The following BEND2 variants were observed in gnomAD, a reference collection of about 807,000 sequenced individuals.
BEND2 encodes the protein BEN domain-containing protein 2.
BEND2 carries 19 observed loss-of-function variants against 43.8 expected under a neutral mutation model. The observed-to-expected ratio is 0.43, with a 90% CI of 0.30 to 0.64. The LOEUF is 0.64. Ranked by LOEUF, BEND2 falls within the 30% of genes least tolerant of loss-of-function variation. The probability of loss-of-function intolerance (pLI) is 0.11; values close to 1 mark genes in which losing one functional copy is unlikely to be tolerated. For missense variants in BEND2, 544 were observed against 574.0 expected (o/e 0.95, Z 0.53); for synonymous variants, 226 against 210.1 (o/e 1.08, Z -0.66).
chrX:18,183,500 A>C (rs1924465287), intron 8 of BEND2, among the ~76,000 whole-genome samples: 1 of 112,537 alleles, frequency 8.9e-6, no homozygotes, highest in South Asian at 3.6e-4. Context: ...AACTATCTAC[A>C]CAAAAAAGCA....
chrX:18,171,194 T>C lies in BEND2; in HGVS notation c.1992A>G (p.Gly664=). The change falls in exon 13 of 14, where the codon GGA becomes GGG. Residue 664 remains glycine (G), a synonymous_variant. Coordinates refer to ENST00000380033, the MANE Select transcript of BEND2 (RefSeq NM_153346.5). Reference sequence around the variant, plus strand: ...GCATCCGTATATTTCTCCATGGTCTTCCAAAATAGCCTAGAAGCAAAAAAG... The same window carrying C: ...GCATCCGTATATTTCTCCATGGTCTCCCAAAATAGCCTAGAAGCAAAAAAG... ...EEPGEAWSYF[G]RPWRNIRMPC... The C allele has an allele frequency of 1.7e-6, 2 of 1,203,850 alleles. No individual in the cohort carries two copies. The highest frequency in any genetic ancestry group is 2.3e-6 in the Non-Finnish European group (2 of 888,718).
At chrX:18,216,838 T>G in intron 1 of BEND2, 105 bp from the exon 2 acceptor site, 1 of 621,544 alleles carries the variant, frequency 1.6e-6, no homozygotes, top group Admixed American at 3.7e-5. Context: ...AAACATATTT[T>G]AGCTGAAAAT....
chrX:18,190,907 G>A, intron 8 of BEND2, 94 bp downstream of exon 8: 1 of 742,869 alleles, frequency 1.3e-6, no homozygotes, highest in East Asian at 3.4e-5. Context: ...TAGTACTATT[G>A]GGGGAAACTG....
chrX:18,166,661 C>CGGATT (rs1569113750), intron 13 of BEND2, among the ~76,000 whole-genome samples: 1 of 110,921 alleles, frequency 9.0e-6, no homozygotes, highest in Admixed American at 9.6e-5. Flanking sequence ...CCAGGACGAA[C>CGGATT]GGATTGCTTG....
chrX:18,195,932 A>AC (rs1569122755), intron 6 of BEND2, among the ~76,000 whole-genome samples: 31 of 107,763 alleles, frequency 2.9e-4, no homozygotes, highest in African/African-American at 9.2e-4. Flanking sequence ...GAGGGAGGGA[A>AC]GGAAATGTTA....
intron 1 of BEND2, among the ~76,000 whole-genome samples, chrX:18,219,245 C>G (rs920068792): frequency 8.9e-6 from 1 of 112,451 alleles, no homozygotes; most frequent in Non-Finnish European, 1.9e-5. Flanking sequence ...CTGGAAAAAT[C>G]GCTTTTAGTC....
rs368557836 is a variant in BEND2, at chrX:18,176,103, G to A, written c.1631-10C>T. 9 of 1,169,696 alleles carry A rather than the reference G, an allele frequency of 7.7e-6. No homozygotes were observed. The highest frequency in any genetic ancestry group is 2.3e-6 in the Non-Finnish European group (2 of 881,362). ...GTTGTTGCCAGATATTCTGCAAACAGCAGAAAGTATTCACGAAAATTAGAA... is the reference window on the plus strand; with the variant it reads ...GTTGTTGCCAGATATTCTGCAAACAACAGAAAGTATTCACGAAAATTAGAA... On this transcript the variant is annotated splice_polypyrimidine_tract_variant and intron_variant, in intron 10 of 13. Coordinates refer to ENST00000380033, the MANE Select transcript of BEND2 (RefSeq NM_153346.5).
intron 7 of BEND2, among the ~76,000 whole-genome samples, chrX:18,193,842 T>C (rs753260943): frequency 1.8e-5 from 2 of 111,461 alleles, no homozygotes; most frequent in Admixed American, 9.6e-5. Flanking sequence ...TAATTCACTG[T>C]CTGAGTATTG....
chrX:18,176,368 C>CAA (rs57898259), intron 10 of BEND2, among the ~76,000 whole-genome samples: 1,341 of 58,146 alleles, frequency 0.023, 48 homozygotes, highest in African/African-American at 0.052. Flanking sequence ...TCTTGGTGCT[C>CAA]AAAAAAAAAA....
intron 8 of BEND2, among the ~76,000 whole-genome samples, chrX:18,187,518 G>A (rs1043691745): frequency 8.9e-6 from 1 of 111,946 alleles, no homozygotes; most frequent in Non-Finnish European, 1.9e-5. Context: ...GAGCTAAAGA[G>A]AGAGATAGGC....
At chrX:18,177,051 CAT>C (rs1008062824) in intron 10 of BEND2, among the ~76,000 whole-genome samples, 3 of 110,686 alleles carry the variant, frequency 2.7e-5, no homozygotes, top group African/African-American at 9.9e-5. Flanking sequence ...ATGAGCTCCT[CAT>C]AGGCAGAAAC....
In BEND2 at chrX:18,203,599, G is replaced by C. The variant is rs773693600; in HGVS notation, c.809C>G (p.Ala270Gly). ...GTAATTCACCACACCAGGGTTATTTGCCAGACTGGATTCTCTTCGTGACAG... is the reference window on the plus strand; with the variant it reads ...GTAATTCACCACACCAGGGTTATTTCCCAGACTGGATTCTCTTCGTGACAG... Reference protein sequence around the residue: ...AVLSRRESSLANNPGVVNYSA... With the variant: ...AVLSRRESSLGNNPGVVNYSA... Residue 270 changes from alanine to glycine, a missense_variant, in exon 5 of 14, where the codon GCA becomes GGA. Around this residue, in one of 2 missense-constraint regions of BEND2, gnomAD observed 501 missense variants for 501.6 expected, o/e 1.00. Coordinates refer to ENST00000380033, the MANE Select transcript of BEND2 (RefSeq NM_153346.5). 6.6e-6 allele frequency: 8 copies of C among 1,210,697 alleles called. No homozygotes were observed. The highest frequency in any genetic ancestry group is 8.9e-6 in the Non-Finnish European group (8 of 894,523).
At chrX:18,217,931 T>C (rs749056962) in intron 1 of BEND2, among the ~76,000 whole-genome samples, 2 of 78,836 alleles carry the variant, frequency 2.5e-5, no homozygotes, top group South Asian at 1.1e-3. Context: ...AAAATAATAA[T>C]AATAATAATA....
At chrX:18,220,701 G>A (rs1178337267) in intron 1 of BEND2, 25 bp downstream of exon 1, 1 of 1,210,016 alleles carries the variant, frequency 8.3e-7, no homozygotes, top group Non-Finnish European at 1.1e-6. Context: ...AAGCTAGCGG[G>A]CCAGTTGAGG....
intron 12 of BEND2, among the ~76,000 whole-genome samples, chrX:18,172,723 G>GT (rs1315791733): frequency 9.1e-6 from 1 of 110,147 alleles, no homozygotes; most frequent in East Asian, 2.9e-4. Context: ...AATGAAGATG[G>GT]TTTTTTTGCA....
rs1925587657 is a variant in BEND2 at position 18,213,860 on chromosome X, A to C, written c.290T>G (p.Leu97Arg). 6.9e-6 allele frequency: 1 copy of C among 145,209 alleles called. No individual in the cohort carries two copies. The highest frequency in any genetic ancestry group is 3.2e-5 in the African/African-American group (1 of 31,523). The allele number at this position is 145,209 out of a possible 1,213,427, so 12.0% of individuals were successfully genotyped here. The change falls in exon 3 of 14, where the codon CTG (leucine) becomes CGG (arginine). Residue 97 changes from leucine (L) to arginine (R), a missense_variant. Physicochemically the swap from Leu to Arg is moderately radical, Grantham distance 102 (BLOSUM62 -2). Coordinates refer to ENST00000380033, the MANE Select transcript of BEND2 (RefSeq NM_153346.5). ...AGVQWHDHSS[L>R]QPQPLGLKQF... Reference sequence around the variant, plus strand: ...CTTGAGTCCAAGAGGTTGAGGCTGCAGTGAGCTGTGATCATGCCACTGCAC... The same window carrying C: ...CTTGAGTCCAAGAGGTTGAGGCTGCCGTGAGCTGTGATCATGCCACTGCAC...
At chrX:18,203,195 C>T (rs754299325) in intron 5 of BEND2, among the ~76,000 whole-genome samples, 2 of 110,428 alleles carry the variant, frequency 1.8e-5, no homozygotes, top group Admixed American at 9.7e-5. Context: ...GGTGATAGAA[C>T]GGTTCTGTAT....
At chrX:18,202,009 T>C in intron 5 of BEND2, 69 bp from the exon 6 acceptor site, 1 of 1,030,165 alleles carries the variant, frequency 9.7e-7, no homozygotes, top group South Asian at 2.2e-5. Context: ...CAAAGCAAAA[T>C]TATCCTTCAA....
At chrX:18,220,015 C>T (rs886144800) in intron 1 of BEND2, among the ~76,000 whole-genome samples, 50 of 112,083 alleles carry the variant, frequency 4.5e-4, no homozygotes, top group African/African-American at 1.6e-3. Context: ...CCCCATACCC[C>T]GCCTCACCAA....
Sources: gnomAD v4.1 joint callset for allele counts (sites outside exome capture counted in the v4.1 genomes callset) on GRCh38, gnomAD v4.1.1 for gene constraint, gnomAD v4.1.1 regional missense constraint, MANE v1.5 for transcripts, NCBI Gene and HGNC (gene_info 2026-07-23, HGNC 2026-07-21) for gene names.